PAPPA2: variants seen among roughly 807,000 people sequenced by gnomAD.
The protein encoded by PAPPA2 is pappalysin 2.
In PAPPA2, 86 loss-of-function variants were observed where a neutral mutation model predicts 176.4. The ratio of observed to expected loss-of-function variants is 0.49; its 90% CI spans 0.41 to 0.58. The LOEUF (loss-of-function observed/expected upper bound fraction) is 0.58. PAPPA2 is among the 20% of genes least tolerant of loss of function. The pLI, the probability that PAPPA2 is intolerant of heterozygous loss-of-function variation, is 0.00. For missense variants in PAPPA2, 2,073 were observed against 2,256.9 expected (o/e 0.92, Z 1.65); for synonymous variants, 809 against 852.2 (o/e 0.95, Z 0.88).
chr1:176,554,027 G>T (rs1335940097), intron 1 of PAPPA2, among the ~76,000 whole-genome samples: 1 of 152,076 alleles, frequency 6.6e-6, no homozygotes, highest in Non-Finnish European at 1.5e-5. Context: ...AAAAAGGGCA[G>T]TCTAGGATTG....
intron 21 of PAPPA2, among the ~76,000 whole-genome samples, chr1:176,825,787 A>AT (rs1666838856): frequency 1.3e-5 from 2 of 152,240 alleles, no homozygotes; most frequent in African/African-American, 2.4e-5. Flanking sequence ...GATCCCTGAG[A>AT]TTAGAGAACA....
chr1:176,659,362 T>C (rs1658209353), intron 3 of PAPPA2, among the ~76,000 whole-genome samples: 2 of 152,182 alleles, frequency 1.3e-5, no homozygotes, highest in South Asian at 2.1e-4. Flanking sequence ...CCTTGGCTTG[T>C]AGCTGATATT....
intron 21 of PAPPA2, among the ~76,000 whole-genome samples, chr1:176,803,824 T>G (rs145308316): frequency 6.6e-6 from 1 of 152,310 alleles, no homozygotes; most frequent in African/African-American, 2.4e-5. Context: ...TAAATAAGTC[T>G]TTGTCTTTCA....
chr1:176,831,213 G>A (rs1044015615), intron 21 of PAPPA2, among the ~76,000 whole-genome samples: 1 of 152,138 alleles, frequency 6.6e-6, no homozygotes, highest in Non-Finnish European at 1.5e-5. Context: ...CCTTCAAAGT[G>A]TATCTTGTGT....
In PAPPA2 at chr1:176,587,818, A is replaced by T. The variant is rs114896707; in HGVS notation, c.920-6706A>T. Among the ~76,000 whole-genome samples the T allele has an allele frequency of 7.8e-3, 1,190 of 152,350 alleles. 10 individuals carry two copies. Among genetic ancestry groups the T allele is most frequent in the Non-Finnish European group, 0.012 (805 of 68,028 alleles). On this transcript the variant is annotated intron_variant, in intron 2 of 22. Transcript: ENST00000367662. ...ATTTAAAATAGTTGATGAGAGCAGC[A>T]AACCAACATGGCACACGTATACCTA...
At chr1:176,695,609 A>T in intron 6 of PAPPA2, 129 bp from the exon 7 acceptor site, 2 of 1,012,468 alleles carry the variant, frequency 2.0e-6, no homozygotes, top group Non-Finnish European at 2.9e-6. Context: ...AGTTGTTCTT[A>T]GTTACTCTCT....
At chr1:176,694,081 A>T (rs1660246693) in intron 6 of PAPPA2, among the ~76,000 whole-genome samples, 1 of 152,132 alleles carries the variant, frequency 6.6e-6, no homozygotes, top group Non-Finnish European at 1.5e-5. Flanking sequence ...CTCACGTCAC[A>T]TGGCCAGCAA....
At chr1:176,781,365 C>A (rs974268943) in intron 17 of PAPPA2, among the ~76,000 whole-genome samples, 2 of 46,238 alleles carry the variant, frequency 4.3e-5, no homozygotes, top group African/African-American at 8.4e-5. Flanking sequence ...TTGTAAGGGG[C>A]TTTTTTTTTT....
intron 1 of PAPPA2, among the ~76,000 whole-genome samples, chr1:176,524,396 G>T (rs1057165412): frequency 1.3e-5 from 2 of 152,098 alleles, no homozygotes; most frequent in Admixed American, 1.3e-4. Flanking sequence ...AGCTATATGA[G>T]TAGCACATTT....
At chr1:176,724,634 T>A (rs1322364335) in intron 12 of PAPPA2, among the ~76,000 whole-genome samples, 1 of 152,172 alleles carries the variant, frequency 6.6e-6, no homozygotes, top group Admixed American at 6.5e-5. Flanking sequence ...CCTTGCTACA[T>A]AAAGCCCAAA....
intron 3 of PAPPA2, among the ~76,000 whole-genome samples, chr1:176,640,017 C>T (rs1003162414): frequency 2.4e-4 from 37 of 151,612 alleles, no homozygotes; most frequent in African/African-American, 4.8e-4. Context: ...TGCCTGAGCT[C>T]ATACAAGAAG....
At chr1:176,485,386 C>T (rs1379971421) in intron 1 of PAPPA2, among the ~76,000 whole-genome samples, 1 of 152,154 alleles carries the variant, frequency 6.6e-6, no homozygotes, top group Non-Finnish European at 1.5e-5. Context: ...TTCTCAAATG[C>T]TCCAGCCATA....
intron 21 of PAPPA2, among the ~76,000 whole-genome samples, chr1:176,824,008 A>G (rs978369072): frequency 4.6e-5 from 7 of 152,214 alleles, no homozygotes; most frequent in Non-Finnish European, 8.8e-5. Flanking sequence ...ATACAAAATT[A>G]TGTCTGCAAT....
chr1:176,638,986 G>T (rs1656902950), intron 3 of PAPPA2, among the ~76,000 whole-genome samples: 1 of 150,714 alleles, frequency 6.6e-6, no homozygotes, highest in Non-Finnish European at 1.5e-5. Context: ...GTTTGTAGGG[G>T]AGGCAAGTGG....
chr1:176,785,690 G>T (rs777422754), intron 17 of PAPPA2, among the ~76,000 whole-genome samples: 2 of 152,126 alleles, frequency 1.3e-5, no homozygotes, highest in East Asian at 1.9e-4. Flanking sequence ...GGTTTGTAGC[G>T]CAGGGCCTGT....
At chr1:176,636,283 G>A (rs772494901) in intron 3 of PAPPA2, among the ~76,000 whole-genome samples, 4 of 152,202 alleles carry the variant, frequency 2.6e-5, no homozygotes, top group Non-Finnish European at 5.9e-5. Context: ...ATTTTAACTG[G>A]AGAGACTGAG....
At chr1:176,719,230 TA>T (rs1661510588) in intron 12 of PAPPA2, among the ~76,000 whole-genome samples, 1 of 152,026 alleles carries the variant, frequency 6.6e-6, no homozygotes, top group South Asian at 2.1e-4. Flanking sequence ...TTTGCAACAT[TA>T]AATGCTCTCT....
chr1:176,740,046 T>A lies in PAPPA2; in HGVS notation c.4001T>A (p.Leu1334His). Residue 1334 changes from leucine (L) to histidine (H), a missense_variant, in exon 14 of 23, where the codon CTT becomes CAT. Coordinates refer to ENST00000367662, the MANE Select transcript of PAPPA2 (RefSeq NM_020318.3). ...AATGTGACCCATCACCAGAATGTCC[T>A]TTTCCACCATACCACCTCAGTGCTG... ...IINVTHHQNV[L>H]FHHTTSVLLN... 1 of 1,613,952 alleles carries A rather than the reference T, an allele frequency of 6.2e-7. No homozygotes were observed.
intron 9 of PAPPA2, among the ~76,000 whole-genome samples, chr1:176,704,084 G>A (rs1261020986): frequency 6.6e-6 from 1 of 152,066 alleles, no homozygotes; most frequent in East Asian, 1.9e-4. Flanking sequence ...GTCTGATGGT[G>A]GCCACCCTGC....
Sources: gnomAD v4.1 joint callset for allele counts (sites outside exome capture counted in the v4.1 genomes callset) on GRCh38, gnomAD v4.1.1 for gene constraint, MANE v1.5 for transcripts, NCBI Gene and HGNC (gene_info 2026-07-23, HGNC 2026-07-21) for gene names.